Variants in DMD observed in about 807,000 individuals in gnomAD.
DMD encodes the protein mutant dystrophin.
DMD carries 63 observed loss-of-function variants against 330.1 expected under a neutral mutation model. The observed-to-expected ratio is 0.19, with a 90% CI of 0.16 to 0.24. DMD has a LOEUF of 0.24. DMD is among the 10% of genes least tolerant of loss of function. The pLI, the probability that DMD is intolerant of heterozygous loss-of-function variation, is 1.00. For missense variants in DMD, 3,344 were observed against 2,684.1 expected, an observed-to-expected ratio of 1.25 and a Z score of -5.43; for synonymous variants, 1,223 against 959.8, an observed-to-expected ratio of 1.27 and a Z score of -5.07.
chrX:33,010,395 T>C (rs2093678223), intron 2 of DMD, among the ~76,000 whole-genome samples: 1 of 108,160 alleles, frequency 9.2e-6, no homozygotes, highest in Admixed American at 1.0e-4. Flanking sequence ...TTTTAAAAAA[T>C]AGGTATAGGT....
chrX:31,220,217 C>A (rs1477750343), intron 64 of DMD, among the ~76,000 whole-genome samples: 2 of 111,685 alleles, frequency 1.8e-5, no homozygotes, highest in Admixed American at 1.9e-4. Context: ...ACTGTACATA[C>A]ATTTCCATTA....
intron 16 of DMD, among the ~76,000 whole-genome samples, chrX:32,546,780 C>G (rs1415153647): frequency 9.8e-6 from 1 of 102,560 alleles, no homozygotes; most frequent in African/African-American, 3.3e-5. Flanking sequence ...CACTGAACCT[C>G]AAACAACTTT....
intron 50 of DMD, among the ~76,000 whole-genome samples, chrX:31,808,883 T>C (rs1442138526): frequency 9.0e-6 from 1 of 111,116 alleles, no homozygotes; most frequent in Non-Finnish European, 1.9e-5. Flanking sequence ...CCAAATCACA[T>C]AGTTATGAAA....
chrX:31,479,745 G>C (rs2068099132), intron 57 of DMD, among the ~76,000 whole-genome samples: 1 of 112,290 alleles, frequency 8.9e-6, no homozygotes, highest in Non-Finnish European at 1.9e-5. Flanking sequence ...TAAATGAACA[G>C]ATCTAGAATT....
chrX:31,574,135 T>G (rs1003152636), intron 55 of DMD, among the ~76,000 whole-genome samples: 15 of 87,486 alleles, frequency 1.7e-4, no homozygotes, highest in Non-Finnish European at 2.9e-4. Flanking sequence ...GATCTGTTTG[T>G]TTTTTTTTTT....
At chrX:32,009,517 T>G (rs2150397967) in intron 44 of DMD, among the ~76,000 whole-genome samples, 1 of 112,442 alleles carries the variant, frequency 8.9e-6, no homozygotes, top group South Asian at 3.7e-4. Context: ...CAATGAAAAT[T>G]ACTTCATTAT....
At chrX:32,953,091 C>T (rs374614368) in intron 2 of DMD, among the ~76,000 whole-genome samples, 10 of 100,599 alleles carry the variant, frequency 9.9e-5, no homozygotes, top group East Asian at 9.3e-4. Flanking sequence ...GCAGAGATCG[C>T]GTCACTGCAC....
intron 44 of DMD, among the ~76,000 whole-genome samples, chrX:32,121,263 T>A (rs2096633636): frequency 9.0e-6 from 1 of 110,855 alleles, no homozygotes. Context: ...CAAAGAGGAA[T>A]GTATCTAGTT....
At chrX:32,856,481 TA>T (rs113019911) in intron 2 of DMD, among the ~76,000 whole-genome samples, 19 of 108,781 alleles carry the variant, frequency 1.7e-4, no homozygotes, top group Middle Eastern at 9.2e-3. Flanking sequence ...TACTCAGTCA[TA>T]AAAAAAAATG....
intron 51 of DMD, among the ~76,000 whole-genome samples, chrX:31,737,322 C>T (rs1391879996): frequency 3.6e-5 from 4 of 112,205 alleles, no homozygotes; most frequent in South Asian, 3.7e-4. Flanking sequence ...GGATATGAAA[C>T]GAGAATACAA....
chrX:32,095,651 T>C (rs1228062446), intron 44 of DMD, among the ~76,000 whole-genome samples: 1 of 112,442 alleles, frequency 8.9e-6, no homozygotes, highest in Non-Finnish European at 1.9e-5. Context: ...ATAAATTTTG[T>C]AAATGTGAAA....
intron 64 of DMD, among the ~76,000 whole-genome samples, chrX:31,221,776 C>G (rs977429809): frequency 8.9e-6 from 1 of 112,814 alleles, no homozygotes; most frequent in Non-Finnish European, 1.9e-5. Context: ...GCCTGTTGGG[C>G]CGGGCGCATT....
intron 75 of DMD, 90 bp downstream of exon 75, chrX:31,147,185 T>C: frequency 8.8e-7 from 1 of 1,139,106 alleles, no homozygotes. Flanking sequence ...GAATTGATGC[T>C]TGTTGCACCT....
intron 21 of DMD, among the ~76,000 whole-genome samples, chrX:32,480,610 T>C (rs750266850): frequency 9.0e-6 from 1 of 111,588 alleles, no homozygotes; most frequent in South Asian, 3.7e-4. Context: ...TGTGTGTACA[T>C]ACACAGTATG....
At chrX:32,687,701 T>C (rs146234889) in intron 9 of DMD, among the ~76,000 whole-genome samples, 2 of 111,699 alleles carry the variant, frequency 1.8e-5, no homozygotes, top group East Asian at 5.6e-4. Flanking sequence ...ATTACACCTA[T>C]ATGAGAAGCC....
chrX:32,070,786 T>C (rs745610130), intron 44 of DMD, among the ~76,000 whole-genome samples: 1 of 111,117 alleles, frequency 9.0e-6, no homozygotes, highest in South Asian at 3.8e-4. Flanking sequence ...TGCAAAGGCA[T>C]AAGAATGATA....
At chrX:32,634,153 C>T (rs774310337) in intron 11 of DMD, among the ~76,000 whole-genome samples, 30 of 111,803 alleles carry the variant, frequency 2.7e-4, no homozygotes, top group Non-Finnish European at 5.1e-4. Flanking sequence ...ACTACTGAAC[C>T]AAAGAGAGTA....
intron 1 of DMD, among the ~76,000 whole-genome samples, chrX:33,134,445 T>C (rs1315811800): frequency 8.9e-6 from 1 of 112,226 alleles, no homozygotes; most frequent in Non-Finnish European, 1.9e-5. Context: ...GCAGACATAC[T>C]GCAGAAGATC....
Position 32,697,911 on chromosome X carries a change from C to A in DMD, c.919G>T (p.Val307Phe), listed in dbSNP as rs2147580981. The change falls in exon 9 of 79, where the codon GTC (valine) becomes TTC (phenylalanine). Residue 307 changes from valine (V) to phenylalanine (F), a missense_variant. Val to Phe is a conservative substitution (Grantham distance 50). Coordinates refer to ENST00000357033, the MANE Select transcript of DMD (RefSeq NM_004006.3). ...CTCCGTGTAGGGTCAGAGGTGGTGA[C>A]ATAAGCAGCCTGTGTGTAGGCATAG... ...KSYAYTQAAY[V>F]TTSDPTRSPF... 3 of 1,209,383 alleles carry A rather than the reference C, an allele frequency of 2.5e-6. No individual in the cohort carries two copies. The South Asian group carries it at 5.3e-5, about 21-fold the overall frequency.
Sources: gnomAD v4.1 joint callset for allele counts (sites outside exome capture counted in the v4.1 genomes callset) on GRCh38, gnomAD v4.1.1 for gene constraint, MANE v1.5 for transcripts, NCBI Gene and HGNC (gene_info 2026-07-23, HGNC 2026-07-21) for gene names.